Variants in CAST observed in about 807,000 individuals in gnomAD.
CAST encodes MIR583 host.
In CAST, 76 loss-of-function variants were observed where a neutral mutation model predicts 119.6. That is an observed-to-expected ratio of 0.64 (90% CI 0.53 to 0.77). The LOEUF (loss-of-function observed/expected upper bound fraction) is 0.77, where lower values mean the gene tolerates loss of function less well. Among genes scored for constraint, CAST ranks in the 30% least tolerant of loss-of-function variants. The pLI is 0.00. For missense variants in CAST, 953 were observed against 946.5 expected, an observed-to-expected ratio of 1.01 and a Z score of -0.09; for synonymous variants, 319 against 331.6, an observed-to-expected ratio of 0.96 and a Z score of 0.41.
At chr5:96,321,706 A>T in the CAST span, among the ~76,000 whole-genome samples, 3 of 152,228 alleles carry the variant, frequency 2.0e-5, no homozygotes, top group Admixed American at 2.0e-4. Context: ...CAGAGCTTGA[A>T]CTGGAAGCTA....
At chr5:96,444,309 GAC>G in the CAST span, among the ~76,000 whole-genome samples, 22 of 152,178 alleles carry the variant, frequency 1.4e-4, no homozygotes, top group Non-Finnish European at 3.1e-4. Context: ...ATGGAAGTAA[GAC>G]TCATTTAATT....
the CAST span, among the ~76,000 whole-genome samples, chr5:96,047,288 C>CA: frequency 7.9e-5 from 12 of 152,208 alleles, no homozygotes; most frequent in Admixed American, 2.0e-4. Context: ...CTATATACTT[C>CA]ATTGGTAGTA....
At chr5:96,422,531 C>T in the CAST span, among the ~76,000 whole-genome samples, 194 of 152,328 alleles carry the variant, frequency 1.3e-3, no homozygotes, top group South Asian at 2.5e-3. Flanking sequence ...TACACTTAAA[C>T]GCCTCCCGCA....
chr5:96,327,953 G>C, the CAST span, among the ~76,000 whole-genome samples: 6 of 152,208 alleles, frequency 3.9e-5, no homozygotes, highest in Non-Finnish European at 7.3e-5. Flanking sequence ...TTATGAAGAT[G>C]ATTATTCTGC....
the CAST span, among the ~76,000 whole-genome samples, chr5:96,334,745 G>A: frequency 4.6e-5 from 7 of 152,212 alleles, no homozygotes; most frequent in Admixed American, 1.3e-4. Flanking sequence ...CCAGAAACTC[G>A]TTTTTCACCT....
chr5:96,671,040 G>A (rs908991567), intron 1 of CAST, among the ~76,000 whole-genome samples: 1 of 152,214 alleles, frequency 6.6e-6, no homozygotes, highest in African/African-American at 2.4e-5. Context: ...CTGTCACCTA[G>A]AATGAGGACA....
chr5:96,644,712 C>T (rs979736303), intron 1 of CAST, among the ~76,000 whole-genome samples: 6 of 152,292 alleles, frequency 3.9e-5, no homozygotes, highest in East Asian at 1.9e-4. Flanking sequence ...CCGTGGCTCA[C>T]GCCTGTAATC....
chr5:96,097,170 C>G, the CAST span, among the ~76,000 whole-genome samples: 1 of 152,052 alleles, frequency 6.6e-6, no homozygotes, highest in Non-Finnish European at 1.5e-5. Flanking sequence ...TGGGGAAGCT[C>G]TTTGAGCTTT....
the CAST span, among the ~76,000 whole-genome samples, chr5:96,417,034 T>C: frequency 6.6e-6 from 1 of 152,334 alleles, no homozygotes; most frequent in South Asian, 2.1e-4. Context: ...TGAAGGCTGT[T>C]GGTGGCTTGG....
At chr5:96,602,818 G>A (rs552022427) in intron 1 of CAST, among the ~76,000 whole-genome samples, 2 of 152,302 alleles carry the variant, frequency 1.3e-5, no homozygotes, top group East Asian at 3.9e-4. Flanking sequence ...TTAAGGTGGT[G>A]AAGGAAAGCC....
At chr5:96,426,081 A>G in the CAST span, 1 of 676,348 alleles carries the variant, frequency 1.5e-6, no homozygotes, top group South Asian at 1.6e-5. Context: ...CTCAGTGAGA[A>G]GAAGGGATTG....
chr5:96,177,414 G>A, the CAST span, among the ~76,000 whole-genome samples: 1 of 152,180 alleles, frequency 6.6e-6, no homozygotes, highest in Non-Finnish European at 1.5e-5. Context: ...AGTGCTTACA[G>A]GAACCAATCC....
chr5:96,679,624 T>A (rs1751109449), intron 2 of CAST: 1 of 152,170 alleles, frequency 6.6e-6, no homozygotes, highest in Admixed American at 6.5e-5. Flanking sequence ...TAACAATGGA[T>A]TTATTTTTAT....
the CAST span, among the ~76,000 whole-genome samples, chr5:96,384,614 A>G: frequency 6.6e-6 from 1 of 152,132 alleles, no homozygotes; most frequent in Non-Finnish European, 1.5e-5. Context: ...TGGGGCAAGG[A>G]GAAGGCATGA....
At chr5:96,771,123 T>A (rs755347914) in intron 30 of CAST, among the ~76,000 whole-genome samples, 1 of 152,198 alleles carries the variant, frequency 6.6e-6, no homozygotes, top group Non-Finnish European at 1.5e-5. Context: ...ATTAAAATCT[T>A]CCTGTAGTAG....
chr5:96,414,976 A>G, the CAST span, among the ~76,000 whole-genome samples: 1 of 152,256 alleles, frequency 6.6e-6, no homozygotes. Context: ...AATGCAAGGT[A>G]TACTCATGTA....
intron 3 of CAST, among the ~76,000 whole-genome samples, chr5:96,705,647 G>T (rs1046974892): frequency 6.6e-6 from 1 of 151,890 alleles, no homozygotes; most frequent in Non-Finnish European, 1.5e-5. Context: ...ATCTGTATTA[G>T]AACATAGTAT....
chr5:96,242,550 T>G, the CAST span, among the ~76,000 whole-genome samples: 1 of 152,240 alleles, frequency 6.6e-6, no homozygotes, highest in African/African-American at 2.4e-5. Flanking sequence ...ATTAAGAGAC[T>G]ATGTACTGCA....
intron 10 of CAST, among the ~76,000 whole-genome samples, chr5:96,736,458 A>C (rs1278461708): frequency 1.3e-5 from 2 of 151,778 alleles, no homozygotes; most frequent in Non-Finnish European, 2.9e-5. Flanking sequence ...TTTTTAAAAA[A>C]AAACAAACAA....
Sources: gnomAD v4.1 joint callset for allele counts (sites outside exome capture counted in the v4.1 genomes callset) on GRCh38, gnomAD v4.1.1 for gene constraint, MANE v1.5 for transcripts, NCBI Gene and HGNC (gene_info 2026-07-23, HGNC 2026-07-21) for gene names.